The following PCDH15 variants were observed in gnomAD, a reference collection of about 807,000 sequenced individuals.
PCDH15 encodes the protein protocadherin related 15, also known as protocadherin-15.
Under a neutral mutation model 178.5 loss-of-function variants are expected in PCDH15, and 129 were observed. The ratio of observed to expected loss-of-function variants is 0.72; its 90% CI spans 0.63 to 0.84. The LOEUF is 0.84. PCDH15 is among the 40% of genes least tolerant of loss of function. PCDH15 has a pLI of 0.00. For synonymous variants in PCDH15, 800 were observed against 732.0 expected (o/e 1.09, Z -1.50); for missense variants, 2,230 against 2,099.9 (o/e 1.06, Z -1.21).
intron 2 of PCDH15, among the ~76,000 whole-genome samples, chr10:55,515,404 G>A (rs1274852955): frequency 6.6e-6 from 1 of 152,038 alleles, no homozygotes; most frequent in Non-Finnish European, 1.5e-5. Flanking sequence ...CATAATCCAA[G>A]AAAAAGACTT....
chr10:54,007,355 G>T (rs1589877541), intron 20 of PCDH15, among the ~76,000 whole-genome samples: 1 of 151,268 alleles, frequency 6.6e-6, no homozygotes, highest in East Asian at 1.9e-4. Flanking sequence ...AAATATACAA[G>T]AAAAATATTT....
intron 1 of PCDH15, among the ~76,000 whole-genome samples, chr10:55,204,072 A>C (rs1470654292): frequency 6.7e-6 from 1 of 150,132 alleles, no homozygotes; most frequent in Non-Finnish European, 1.5e-5. Context: ...TTAATTTATA[A>C]ACATTATATA....
At chr10:54,709,611 C>T (rs6481117) in intron 1 of PCDH15, among the ~76,000 whole-genome samples, 87,565 of 115,404 alleles carry the variant, frequency 0.76, 31,756 homozygotes, top group Non-Finnish European at 0.84. Context: ...TATATATATA[C>T]ATATATATAT....
At chr10:54,856,333 TA>T (rs1953742031) in intron 3 of PCDH15, among the ~76,000 whole-genome samples, 1 of 152,128 alleles carries the variant, frequency 6.6e-6, no homozygotes, top group Admixed American at 6.6e-5. Flanking sequence ...ATTTTTATTG[TA>T]AAAAGCACAA....
chr10:54,274,476 G>A (rs1353210516), intron 8 of PCDH15, among the ~76,000 whole-genome samples: 1 of 151,964 alleles, frequency 6.6e-6, no homozygotes, highest in Non-Finnish European at 1.5e-5. Context: ...TCAAGGTAAG[G>A]ACTGTTGTTT....
At chr10:55,076,112 T>C (rs1292844540) in intron 2 of PCDH15, among the ~76,000 whole-genome samples, 1 of 152,198 alleles carries the variant, frequency 6.6e-6, no homozygotes, top group Non-Finnish European at 1.5e-5. Context: ...CTTGACATGA[T>C]TTTATTTTTA....
chr10:54,561,081 A>G (rs1334221705), intron 2 of PCDH15, among the ~76,000 whole-genome samples: 1 of 152,162 alleles, frequency 6.6e-6, no homozygotes, highest in Non-Finnish European at 1.5e-5. Context: ...ATATGAGAAA[A>G]TAACTTTTAA....
intron 27 of PCDH15, among the ~76,000 whole-genome samples, chr10:53,859,068 C>T (rs916309040): frequency 4.9e-5 from 7 of 141,542 alleles, no homozygotes; most frequent in African/African-American, 1.3e-4. Context: ...GGGCCAGAAA[C>T]GGTTAAAAAA....
At chr10:54,388,423 C>A (rs1186314460) in intron 3 of PCDH15, among the ~76,000 whole-genome samples, 1 of 152,164 alleles carries the variant, frequency 6.6e-6, no homozygotes, top group African/African-American at 2.4e-5. Context: ...TTCATCTTCA[C>A]TTCAAGTTGC....
At chr10:54,951,276 T>C (rs931591770) in intron 2 of PCDH15, among the ~76,000 whole-genome samples, 7 of 151,934 alleles carry the variant, frequency 4.6e-5, no homozygotes, top group African/African-American at 1.7e-4. Flanking sequence ...ACAGTCTCCA[T>C]AGCTTCATCT....
rs75215307 is a variant in PCDH15, at chr10:55,216,367, T to C, written c.-155-49716A>G. 9.7e-3 allele frequency among the ~76,000 whole-genome samples: 1,481 copies of C among 152,098 alleles called. 36 individuals carry two copies. Among genetic ancestry groups the C allele is most frequent in the African/African-American group, 0.034 (1,405 of 41,492 alleles). The stretch of plus-strand genomic sequence containing the variant: ...CAGAATTAATAACTTTAATTGTATC[T>C]CTTTGTTAGAAGTCAATTTTTAAAT... On this transcript the variant is annotated intron_variant, in intron 1 of 5. Coordinates refer to the PCDH15 transcript ENST00000458638.
At position 54,442,449 on chromosome 10, in the gene PCDH15, TATATATATATAC is replaced by T. The variant is rs1358812606; in HGVS notation, c.158-63519_158-63508del. On this transcript the variant is annotated intron_variant, in intron 3 of 37. Transcript: ENST00000644397. ...ATATATATATATATATATATATATATATATATATATACAGTCTTTTTTATTATAATAAATACT... is the reference window on the plus strand; with the variant it reads ...ATATATATATATATATATATATATATAGTCTTTTTTATTATAATAAATACT... Among the ~76,000 whole-genome samples the T allele has an allele frequency of 1.5e-3, 178 of 119,442 alleles. 4 individuals are homozygous for T. The highest frequency in any genetic ancestry group is 6.6e-3 in the African/African-American group (174 of 26,212). The allele number at this position is 119,442 out of a possible 152,430, so 78.4% of individuals were successfully genotyped here.
chr10:55,334,280 G>GTGTA (rs1451161638), intron 2 of PCDH15, among the ~76,000 whole-genome samples: 4 of 130,060 alleles, frequency 3.1e-5, no homozygotes, highest in African/African-American at 1.4e-4. Context: ...GTGTGTGTGT[G>GTGTA]TGTGTATGTG....
intron 3 of PCDH15, among the ~76,000 whole-genome samples, chr10:54,401,803 C>A (rs1424024042): frequency 1.3e-5 from 2 of 151,766 alleles, no homozygotes; most frequent in Non-Finnish European, 2.9e-5. Context: ...TAATTTATGA[C>A]TTTACTGCTT....
chr10:55,034,947 G>T (rs144100302), intron 2 of PCDH15, among the ~76,000 whole-genome samples: 3 of 152,258 alleles, frequency 2.0e-5, no homozygotes, highest in Non-Finnish European at 4.4e-5. Flanking sequence ...GAATAGGAAA[G>T]AAGAGGCTGA....
At chr10:55,582,618 A>ATTTTTTTTTTTTTTT (rs1182758362) in intron 2 of PCDH15, among the ~76,000 whole-genome samples, 1 of 88,178 alleles carries the variant, frequency 1.1e-5, no homozygotes, top group African/African-American at 5.7e-5. Flanking sequence ...ATATATATAT[A>ATTTTTTTTTTTTTTT]TATATATATA....
intron 8 of PCDH15, among the ~76,000 whole-genome samples, chr10:54,245,467 G>T (rs11004169): frequency 0.047 from 7,111 of 152,110 alleles, 401 homozygotes; most frequent in African/African-American, 0.14. Context: ...ACCAAATAAA[G>T]CTTTGGAAGA....
chr10:54,309,704 G>A (rs942509922), intron 8 of PCDH15, among the ~76,000 whole-genome samples: 1 of 151,920 alleles, frequency 6.6e-6, no homozygotes, highest in Non-Finnish European at 1.5e-5. Flanking sequence ...GCTGAGAGAG[G>A]AGAATCACTT....
chr10:54,473,725 G>A (rs2078078948), intron 3 of PCDH15, among the ~76,000 whole-genome samples: 2 of 151,598 alleles, frequency 1.3e-5, no homozygotes, highest in South Asian at 4.2e-4. Context: ...TTGTCATTAG[G>A]TTATTATTTT....
Sources: allele counts gnomAD v4.1 joint callset (sites outside exome capture counted in the v4.1 genomes callset), GRCh38; gene constraint gnomAD v4.1.1; transcripts MANE v1.5; gene names NCBI Gene and HGNC (gene_info 2026-07-23, HGNC 2026-07-21).